The following STK32A variants were observed in gnomAD, a reference collection of about 807,000 sequenced individuals.
STK32A encodes the protein serine/threonine-protein kinase 32A.
Under a neutral mutation model 53.2 loss-of-function variants are expected in STK32A, and 41 were observed. The ratio of observed to expected loss-of-function variants is 0.77; its 90% CI spans 0.60 to 1.00. The LOEUF (loss-of-function observed/expected upper bound fraction) is 1.00, where lower values mean the gene tolerates loss of function less well. Ranked by LOEUF, STK32A falls within the 50% of genes least tolerant of loss-of-function variation. The pLI, the probability that STK32A is intolerant of heterozygous loss-of-function variation, is 0.00. For missense variants in STK32A, 458 were observed against 485.8 expected (o/e 0.94, Z 0.54); for synonymous variants, 166 against 162.8 (o/e 1.02, Z -0.15).
intron 2 of STK32A, among the ~76,000 whole-genome samples, chr5:147,268,521 T>A (rs1262073301): frequency 6.6e-6 from 1 of 152,194 alleles, no homozygotes; most frequent in East Asian, 1.9e-4. Context: ...CAAAATAGGA[T>A]CTATATTGTT....
At chr5:147,271,312 A>G (rs1755020760) in intron 2 of STK32A, among the ~76,000 whole-genome samples, 1 of 152,162 alleles carries the variant, frequency 6.6e-6, no homozygotes, top group Non-Finnish European at 1.5e-5. Context: ...GTGATTTCCT[A>G]TGCCTGTCTT....
intron 5 of STK32A, among the ~76,000 whole-genome samples, chr5:147,330,164 T>G (rs1754797561): frequency 6.6e-6 from 1 of 152,168 alleles, no homozygotes; most frequent in Admixed American, 6.5e-5. Context: ...GCCATTAAGA[T>G]GTCAGCCAGA....
chr5:147,284,374 C>T (rs896568653), intron 4 of STK32A, among the ~76,000 whole-genome samples: 5 of 152,076 alleles, frequency 3.3e-5, no homozygotes, highest in African/African-American at 1.2e-4. Flanking sequence ...ACTCTCACTG[C>T]TCCTCTTCAA....
chr5:147,299,183 TA>T (rs1289458519), intron 4 of STK32A, among the ~76,000 whole-genome samples: 1 of 152,182 alleles, frequency 6.6e-6, no homozygotes, highest in Non-Finnish European at 1.5e-5. Context: ...GTTTTTTTAA[TA>T]ATATGCCAAA....
At chr5:147,293,889 C>A (rs946012847) in intron 4 of STK32A, among the ~76,000 whole-genome samples, 29 of 145,888 alleles carry the variant, frequency 2.0e-4, no homozygotes, top group African/African-American at 7.0e-4. Flanking sequence ...ATATAAAATT[C>A]TTATTCAAAG....
In STK32A at chr5:147,279,193, C is replaced by T. The variant is rs1751914923; in HGVS notation, c.109-54C>T. 4 of 1,533,010 alleles carry T rather than the reference C, an allele frequency of 2.6e-6. No homozygotes were observed. In the South Asian group the frequency reaches 5.1e-5, roughly 20 times the overall value. The allele number at this position is 1,533,010 out of a possible 1,614,324, so 95.0% of individuals were successfully genotyped here. A position where few individuals can be genotyped will look rare whatever the true frequency, so the allele number is the denominator to read the frequency against. ...GAACATGTCTTGTTCTGTCTCTCAT[C>T]ACCATGATCCATTATCTCCCTAATC... On this transcript the variant is annotated intron_variant, in intron 3 of 12. Coordinates refer to ENST00000397936, the MANE Select transcript of STK32A (RefSeq NM_001112724.2).
chr5:147,360,495 GAAAA>G (rs1044254695), intron 7 of STK32A, among the ~76,000 whole-genome samples: 2 of 131,896 alleles, frequency 1.5e-5, no homozygotes, highest in African/African-American at 5.7e-5. Context: ...AAGAAAGAAA[GAAAA>G]AAAAGGAAAA....
intron 4 of STK32A, among the ~76,000 whole-genome samples, chr5:147,321,561 C>T (rs1031490139): frequency 2.9e-4 from 44 of 152,348 alleles, no homozygotes; most frequent in African/African-American, 1.0e-3. Context: ...ATCCCCTGCA[C>T]ATTCGAACAC....
At chr5:147,361,716 C>T in intron 8 of STK32A, 102 bp downstream of exon 8, 1 of 846,190 alleles carries the variant, frequency 1.2e-6, no homozygotes, top group South Asian at 1.5e-5. Flanking sequence ...CACTTGAAAG[C>T]TGAAATCAGC....
chr5:147,297,824 CA>C (rs1196866373), intron 4 of STK32A, among the ~76,000 whole-genome samples: 4 of 151,822 alleles, frequency 2.6e-5, no homozygotes, highest in Non-Finnish European at 5.9e-5. Context: ...CTAAAAAATA[CA>C]AAAAATTAGC....
At chr5:147,256,300 G>A (rs1357814221) in intron 2 of STK32A, among the ~76,000 whole-genome samples, 2 of 152,188 alleles carry the variant, frequency 1.3e-5, no homozygotes, top group African/African-American at 4.8e-5. Flanking sequence ...CAGACTTCGG[G>A]ATATAGCAGA....
chr5:147,294,930 G>A (rs1342250195), intron 4 of STK32A, among the ~76,000 whole-genome samples: 2 of 152,132 alleles, frequency 1.3e-5, no homozygotes, highest in East Asian at 1.9e-4. Flanking sequence ...TGATCTGCCC[G>A]CCTCGGCCTC....
At chr5:147,236,938 C>G (rs1184029846) in intron 1 of STK32A, among the ~76,000 whole-genome samples, 1 of 152,108 alleles carries the variant, frequency 6.6e-6, no homozygotes, top group Non-Finnish European at 1.5e-5. Context: ...ATTGTGAAAA[C>G]TACATGTACT....
At chr5:147,274,961 T>G (rs910390501) in intron 2 of STK32A, among the ~76,000 whole-genome samples, 4 of 152,198 alleles carry the variant, frequency 2.6e-5, no homozygotes, top group African/African-American at 7.2e-5. Context: ...CTATTGCATA[T>G]CCATTGGTTT....
At chr5:147,393,783 CT>C in the STK32A span, 2 of 505,690 alleles carry the variant, frequency 4.0e-6, no homozygotes, top group East Asian at 7.1e-5. Flanking sequence ...CCTTAGTGGC[CT>C]GTCTGATTGC....
intron 7 of STK32A, among the ~76,000 whole-genome samples, chr5:147,353,577 T>C (rs1756085253): frequency 6.6e-6 from 1 of 152,002 alleles, no homozygotes; most frequent in South Asian, 2.1e-4. Flanking sequence ...CTGGCCAACA[T>C]GGTGAAACCC....
At chr5:147,242,446 G>T (rs1753621369) in intron 2 of STK32A, among the ~76,000 whole-genome samples, 1 of 152,202 alleles carries the variant, frequency 6.6e-6, no homozygotes, top group Non-Finnish European at 1.5e-5. Flanking sequence ...ATTTCACAGT[G>T]CCTTAAAGTG....
At chr5:147,378,635 G>A (rs1019600138) in intron 11 of STK32A, among the ~76,000 whole-genome samples, 9 of 151,982 alleles carry the variant, frequency 5.9e-5, no homozygotes, top group African/African-American at 2.2e-4. Context: ...TACCACATTA[G>A]AAAAGAGTCA....
chr5:147,272,705 T>C (rs1755093373), intron 2 of STK32A, among the ~76,000 whole-genome samples: 1 of 152,228 alleles, frequency 6.6e-6, no homozygotes, highest in Non-Finnish European at 1.5e-5. Context: ...CACTGAATAA[T>C]TGTTGTACTT....
Sources: allele counts gnomAD v4.1 joint callset (sites outside exome capture counted in the v4.1 genomes callset), GRCh38; gene constraint gnomAD v4.1.1; transcripts MANE v1.5; gene names NCBI Gene and HGNC (gene_info 2026-07-23, HGNC 2026-07-21).